The following UTRN variants were observed in gnomAD, a reference collection of about 807,000 sequenced individuals.
UTRN encodes utrophin.
Under a neutral mutation model 463.9 loss-of-function variants are expected in UTRN, and 283 were observed. The ratio of observed to expected loss-of-function variants is 0.61; its 90% confidence interval spans 0.55 to 0.67. The LOEUF is 0.67. Ranked by LOEUF, UTRN falls within the 30% of genes least tolerant of loss-of-function variation. The pLI, the probability that UTRN is intolerant of heterozygous loss-of-function variation, is 0.00. For missense variants in UTRN, 3,922 were observed against 4,084.3 expected (o/e 0.96, Z 1.08); for synonymous variants, 1,442 against 1,431.5 (o/e 1.01, Z -0.17).
chr6:144,419,152 G>A (rs1159883114), intron 3 of UTRN, among the ~76,000 whole-genome samples: 1 of 152,222 alleles, frequency 6.6e-6, no homozygotes, highest in African/African-American at 2.4e-5. Context: ...TCTGCCCATT[G>A]CTTTTACTGA....
At chr6:144,740,282 T>A (rs1032828844) in intron 54 of UTRN, among the ~76,000 whole-genome samples, 1 of 152,234 alleles carries the variant, frequency 6.6e-6, no homozygotes. Context: ...TCTTCGATTT[T>A]AAAATAATTC....
In UTRN at chr6:144,438,020, A is replaced by G. The variant is rs541472689; in HGVS notation, c.1241+274A>G. On this transcript the variant is annotated intron_variant, in intron 11 of 74. Coordinates refer to ENST00000367545, the MANE Select transcript of UTRN (RefSeq NM_007124.3). The stretch of plus-strand genomic sequence containing the variant: ...GGTGGCTCATGCCTGTAATCCCAGC[A>G]CTTGGGAGGCCAACGCGGATGGATC... Among the ~76,000 whole-genome samples the G allele has an allele frequency of 2.0e-5, 3 of 152,320 alleles. No individual in the cohort carries two copies. In the East Asian group the frequency reaches 5.8e-4, roughly 29 times the overall value.
At chr6:144,302,673 G>T (rs1805390678) in intron 2 of UTRN, among the ~76,000 whole-genome samples, 1 of 152,158 alleles carries the variant, frequency 6.6e-6, no homozygotes, top group South Asian at 2.1e-4. Flanking sequence ...CAGGCTAGTT[G>T]GAAAGAAAGA....
At chr6:144,731,504 G>C (rs1001095385) in intron 54 of UTRN, among the ~76,000 whole-genome samples, 2 of 152,298 alleles carry the variant, frequency 1.3e-5, no homozygotes, top group East Asian at 3.9e-4. Flanking sequence ...TTACTTGTAA[G>C]GGAAGCATAG....
intron 2 of UTRN, among the ~76,000 whole-genome samples, chr6:144,302,555 C>G (rs954976427): frequency 1.3e-5 from 2 of 151,652 alleles, no homozygotes; most frequent in Non-Finnish European, 2.9e-5. Flanking sequence ...AAAAATTACA[C>G]TTGCTTACAT....
chr6:144,765,752 T>A (rs1349124366), intron 58 of UTRN, among the ~76,000 whole-genome samples: 2 of 151,666 alleles, frequency 1.3e-5, no homozygotes, highest in African/African-American at 4.9e-5. Flanking sequence ...TTATTCATTA[T>A]TTACAATGTT....
At chr6:144,646,386 G>A (rs1376485010) in intron 51 of UTRN, among the ~76,000 whole-genome samples, 2 of 152,152 alleles carry the variant, frequency 1.3e-5, no homozygotes, top group South Asian at 4.1e-4. Flanking sequence ...TCCACAGTTA[G>A]CTCACCAAAA....
chr6:144,397,483 C>T (rs928688730), intron 2 of UTRN, among the ~76,000 whole-genome samples: 1 of 151,872 alleles, frequency 6.6e-6, no homozygotes, highest in Non-Finnish European at 1.5e-5. Flanking sequence ...AACTCCATAC[C>T]CTTCTTCTCT....
chr6:144,624,951 G>A (rs1373317735), intron 51 of UTRN, among the ~76,000 whole-genome samples: 1 of 146,606 alleles, frequency 6.8e-6, no homozygotes, highest in Non-Finnish European at 1.5e-5. Context: ...TTTTCTCTGA[G>A]GGCAGAGTCA....
intron 63 of UTRN, among the ~76,000 whole-genome samples, chr6:144,795,065 C>A (rs2128744449): frequency 6.6e-6 from 1 of 152,236 alleles, no homozygotes; most frequent in African/African-American, 2.4e-5. Context: ...TGTTCCCCTC[C>A]CTGTGTCCAT....
Position 144,429,706 on chromosome 6 carries a change from A to G in UTRN, c.820A>G (p.Lys274Glu). The G allele has an allele frequency of 6.2e-7, 1 of 1,612,004 alleles. No individual in the cohort carries two copies. Among genetic ancestry groups the G allele is most frequent in the South Asian group, 1.1e-5 (1 of 90,560 alleles). ...GGTAGAGACACTCCCAAGGAAATATAAAAAAGAATGTGAAGAAGAGGCAAT... is the reference window on the plus strand; with the variant it reads ...GGTAGAGACACTCCCAAGGAAATATGAAAAAGAATGTGAAGAAGAGGCAAT... The part of the protein sequence containing the change: ...REVETLPRKY[K>E]KECEEEAINI... The change falls in exon 9 of 75, where the codon AAA becomes GAA. Residue 274 changes from lysine to glutamate, a missense_variant. Physicochemically the swap from Lys to Glu is moderately conservative, Grantham distance 56. Transcript: ENST00000367545.
chr6:144,813,801 A>C (rs1406851091), intron 65 of UTRN, among the ~76,000 whole-genome samples: 1 of 152,200 alleles, frequency 6.6e-6, no homozygotes, highest in Admixed American at 6.5e-5. Flanking sequence ...GCAGAGCTAA[A>C]CCTGGAAGGG....
intron 60 of UTRN, among the ~76,000 whole-genome samples, chr6:144,776,080 A>G (rs1775296206): frequency 6.6e-6 from 1 of 152,194 alleles, no homozygotes; most frequent in Non-Finnish European, 1.5e-5. Context: ...CCCTCCAGCC[A>G]AGGCCTCTGG....
rs147372596 is a variant in UTRN at position 144,420,818 on chromosome 6, G to C, written c.142-1060G>C. The stretch of plus-strand genomic sequence containing the variant: ...ACACTGTGATGTGAGACGCAGTGAT[G>C]AAGTGACAGTCCTTATACTTTTAGT... On this transcript the variant is annotated intron_variant, in intron 3 of 74. Coordinates refer to ENST00000367545, the MANE Select transcript of UTRN (RefSeq NM_007124.3). Among the ~76,000 whole-genome samples, 1,506 of 152,288 alleles carry C rather than the reference G, an allele frequency of 9.9e-3. 11 individuals are homozygous for C. The highest frequency in any genetic ancestry group is 0.017 in the Middle Eastern group (5 of 294).
intron 65 of UTRN, among the ~76,000 whole-genome samples, chr6:144,806,877 A>AAT (rs1202954725): frequency 5.9e-5 from 6 of 102,098 alleles, no homozygotes; most frequent in African/African-American, 1.0e-4. Flanking sequence ...GCAAGTATTC[A>AAT]GAAATCATTG....
intron 1 of UTRN, 48 bp from the exon 2 acceptor site, chr6:144,291,689 A>G: frequency 1.7e-6 from 1 of 582,942 alleles, no homozygotes; most frequent in Non-Finnish European, 2.9e-6. Flanking sequence ...ACTATATAAA[A>G]TATATAAATA....
intron 9 of UTRN, among the ~76,000 whole-genome samples, chr6:144,434,514 A>G (rs1786343104): frequency 6.6e-6 from 1 of 152,306 alleles, no homozygotes; most frequent in South Asian, 2.1e-4. Flanking sequence ...CTGAGGAGGA[A>G]CAAGCTTTGG....
chr6:144,666,773 G>A (rs1297881390), intron 51 of UTRN, among the ~76,000 whole-genome samples: 2 of 152,154 alleles, frequency 1.3e-5, no homozygotes, highest in African/African-American at 4.8e-5. Flanking sequence ...ATGAACATAT[G>A]ATCACTGGTA....
rs79904038 is a variant in UTRN at position 144,760,771 on chromosome 6, A to G, written c.8495+2782A>G. On this transcript the variant is annotated intron_variant, in intron 58 of 74. Transcript: ENST00000367545. ...ACAAATTTTGCATGATTGCCATGCA[A>G]TGAGAATTTCCTGGAGCAAATTAGA... 6.1e-3 allele frequency among the ~76,000 whole-genome samples: 924 copies of G among 152,346 alleles called. 33 individuals are homozygous for G. The East Asian group carries it at 0.11, about 18-fold the overall frequency.
Sources: allele counts gnomAD v4.1 joint callset (sites outside exome capture counted in the v4.1 genomes callset), GRCh38; gene constraint gnomAD v4.1.1; transcripts MANE v1.5; gene names NCBI Gene and HGNC (gene_info 2026-07-23, HGNC 2026-07-21).